The following NTM variants were observed in gnomAD, a reference collection of about 807,000 sequenced individuals.
The protein encoded by NTM is IgLON family member 2.
NTM carries 13 observed loss-of-function variants against 42.1 expected under a neutral mutation model. The observed-to-expected ratio is 0.31, with a 90% CI of 0.20 to 0.49. NTM has a LOEUF of 0.49. Among genes scored for constraint, NTM ranks in the 20% least tolerant of loss-of-function variants. The pLI, the probability that NTM is intolerant of heterozygous loss-of-function variation, is 0.99. For synonymous variants in NTM, 187 were observed against 179.2 expected (o/e 1.04, Z -0.35); for missense variants, 373 against 452.8 (o/e 0.82, Z 1.60).
At chr11:131,899,407 C>A (rs1384410822) in intron 1 of NTM, among the ~76,000 whole-genome samples, 2 of 152,118 alleles carry the variant, frequency 1.3e-5, no homozygotes, top group Admixed American at 1.3e-4. Context: ...GTACATAAAC[C>A]TTCTACAAGA....
intron 1 of NTM, among the ~76,000 whole-genome samples, chr11:131,523,932 C>G (rs948322679): frequency 2.6e-5 from 4 of 151,996 alleles, no homozygotes; most frequent in African/African-American, 7.2e-5. Context: ...AACAGGGTAG[C>G]ATAGCTGAGG....
chr11:131,503,672 T>A (rs431773), intron 1 of NTM, among the ~76,000 whole-genome samples: 1 of 151,736 alleles, frequency 6.6e-6, no homozygotes, highest in Non-Finnish European at 1.5e-5. Flanking sequence ...ACAGGCACAC[T>A]CCACTATGCC....
chr11:132,163,811 G>A (rs2074816835), intron 3 of NTM, among the ~76,000 whole-genome samples: 1 of 152,194 alleles, frequency 6.6e-6, no homozygotes, highest in Admixed American at 6.5e-5. Flanking sequence ...GATACTTGGG[G>A]TATTGTTAGG....
intron 1 of NTM, among the ~76,000 whole-genome samples, chr11:131,558,355 C>T (rs911996389): frequency 1.3e-5 from 2 of 152,182 alleles, no homozygotes; most frequent in African/African-American, 4.8e-5. Context: ...ACCCATCCAG[C>T]AGCCCGTCAT....
chr11:131,862,631 AT>A (rs1362255131), intron 1 of NTM, among the ~76,000 whole-genome samples: 2 of 152,168 alleles, frequency 1.3e-5, no homozygotes, highest in African/African-American at 4.8e-5. Flanking sequence ...CTGTCCTAAA[AT>A]TCAGATTTTT....
intron 1 of NTM, among the ~76,000 whole-genome samples, chr11:131,810,697 T>A (rs2092699752): frequency 1.3e-5 from 2 of 152,224 alleles, no homozygotes; most frequent in African/African-American, 2.4e-5. Flanking sequence ...GGTCAGCAGA[T>A]GGTTTGGTCA....
At chr11:131,968,462 C>A (rs1461083051) in intron 2 of NTM, among the ~76,000 whole-genome samples, 1 of 152,170 alleles carries the variant, frequency 6.6e-6, no homozygotes, top group Non-Finnish European at 1.5e-5. Context: ...TAAAGAGTGG[C>A]AGGTGGCGGC....
At chr11:132,069,046 A>G (rs1413200566) in intron 2 of NTM, among the ~76,000 whole-genome samples, 1 of 152,126 alleles carries the variant, frequency 6.6e-6, no homozygotes, top group Non-Finnish European at 1.5e-5. Flanking sequence ...TTAACATGTC[A>G]AACTGACCAT....
At chr11:131,516,088 C>T (rs1451645112) in intron 1 of NTM, among the ~76,000 whole-genome samples, 1 of 152,216 alleles carries the variant, frequency 6.6e-6, no homozygotes, top group East Asian at 1.9e-4. Flanking sequence ...AAAGTAAATA[C>T]ACTAGCTATA....
At chr11:131,806,826 A>G (rs776877143) in intron 1 of NTM, among the ~76,000 whole-genome samples, 1 of 152,240 alleles carries the variant, frequency 6.6e-6, no homozygotes, top group Non-Finnish European at 1.5e-5. Flanking sequence ...AATGCTAAGC[A>G]GTGCAGGATT....
chr11:131,598,785 C>CTTTCTTTCTTTCTT (rs1565685963), intron 1 of NTM, among the ~76,000 whole-genome samples: 1 of 47,172 alleles, frequency 2.1e-5, no homozygotes, highest in African/African-American at 8.0e-5. Context: ...TTTCTTTCTT[C>CTTTCTTTCTTTCTT]TTTCTTTCTT....
At chr11:132,155,109 C>A (rs190141323) in intron 3 of NTM, among the ~76,000 whole-genome samples, 166 of 152,148 alleles carry the variant, frequency 1.1e-3, no homozygotes, top group African/African-American at 3.8e-3. Context: ...CACAATGAAC[C>A]CGGTGTTGGC....
intron 2 of NTM, among the ~76,000 whole-genome samples, chr11:131,928,018 C>T (rs919130514): frequency 2.6e-5 from 4 of 152,004 alleles, no homozygotes; most frequent in African/African-American, 4.8e-5. Flanking sequence ...AAATTATTAA[C>T]CTAATCTCTC....
chr11:132,316,827 A>G (rs1454609932), intron 7 of NTM, among the ~76,000 whole-genome samples: 1 of 152,166 alleles, frequency 6.6e-6, no homozygotes, highest in Non-Finnish European at 1.5e-5. Flanking sequence ...CTCACCATCA[A>G]TGAGGTCTTT....
At chr11:132,177,752 C>A (rs959718276) in intron 3 of NTM, among the ~76,000 whole-genome samples, 2 of 152,140 alleles carry the variant, frequency 1.3e-5, no homozygotes, top group Non-Finnish European at 2.9e-5. Flanking sequence ...GCAATGAAGC[C>A]CCAATGGGGC....
chr11:131,942,657 G>C (rs1282217223), intron 2 of NTM, among the ~76,000 whole-genome samples: 1 of 152,148 alleles, frequency 6.6e-6, no homozygotes, highest in Admixed American at 6.5e-5. Flanking sequence ...AGAATGCATA[G>C]AGTTTAGGCT....
intron 7 of NTM, among the ~76,000 whole-genome samples, chr11:132,323,339 G>T (rs1418101044): frequency 6.6e-6 from 1 of 151,830 alleles, no homozygotes; most frequent in Non-Finnish European, 1.5e-5. Flanking sequence ...AATGATAAAG[G>T]GGATATCACC....
At chr11:132,311,125 G>A (rs954380455) in intron 6 of NTM, among the ~76,000 whole-genome samples, 2 of 152,192 alleles carry the variant, frequency 1.3e-5, no homozygotes, top group Admixed American at 6.5e-5. Flanking sequence ...AAGGAGAGCA[G>A]CATGAGAAAC....
At chr11:132,292,807 A>G (rs538192115) in intron 4 of NTM, among the ~76,000 whole-genome samples, 1 of 150,148 alleles carries the variant, frequency 6.7e-6, no homozygotes, top group Admixed American at 6.7e-5. Context: ...AAAAAAAAAA[A>G]AAAAAACTAA....
Sources: allele counts gnomAD v4.1 joint callset (sites outside exome capture counted in the v4.1 genomes callset), GRCh38; gene constraint gnomAD v4.1.1; transcripts MANE v1.5; gene names NCBI Gene and HGNC (gene_info 2026-07-23, HGNC 2026-07-21).